Variants in NMNAT3 observed in about 807,000 individuals in gnomAD.
NMNAT3 encodes the protein nicotinamide nucleotide adenylyltransferase 3.
A neutral mutation model predicts 24.8 loss-of-function variants in NMNAT3; 21 were observed. That is an observed-to-expected ratio of 0.85 (90% CI 0.60 to 1.22). The LOEUF is 1.22. Ranked by LOEUF, NMNAT3 falls within the 50% of genes most tolerant of loss-of-function variation. The pLI is 0.00. For synonymous variants in NMNAT3, 136 were observed against 155.2 expected (o/e 0.88, Z 0.92); for missense variants, 387 against 436.6 (o/e 0.89, Z 1.01).
chr3:139,638,944 C>G (rs376156592), intron 1 of NMNAT3, among the ~76,000 whole-genome samples: 5 of 152,220 alleles, frequency 3.3e-5, no homozygotes, highest in Non-Finnish European at 7.3e-5. Flanking sequence ...TGTCAAACTG[C>G]CTTTCATCCT....
At chr3:139,620,567 G>T (rs555334338) in intron 3 of NMNAT3, among the ~76,000 whole-genome samples, 76 of 152,170 alleles carry the variant, frequency 5.0e-4, no homozygotes, top group African/African-American at 1.6e-3. Flanking sequence ...TTCACATGTT[G>T]ATGGATATTT....
chr3:139,603,524 CA>C (rs35849612), intron 3 of NMNAT3, among the ~76,000 whole-genome samples: 15,678 of 152,198 alleles, frequency 0.1, 988 homozygotes, highest in Non-Finnish European at 0.15. Flanking sequence ...CCATCACCAA[CA>C]GTGCCACCAT....
At chr3:139,673,488 A>G (rs2057823653) in intron 1 of NMNAT3, among the ~76,000 whole-genome samples, 1 of 152,182 alleles carries the variant, frequency 6.6e-6, no homozygotes, top group South Asian at 2.1e-4. Flanking sequence ...TCAAGGGTGT[A>G]TATGAAAAAA....
chr3:139,576,190 A>G, intron 5 of NMNAT3: 1 of 985,426 alleles, frequency 1.0e-6, no homozygotes, highest in Non-Finnish European at 1.2e-6. Flanking sequence ...GATTTCTACC[A>G]TGCTTCTAAA....
intron 1 of NMNAT3, among the ~76,000 whole-genome samples, chr3:139,652,164 G>T (rs1290128630): frequency 6.6e-6 from 1 of 152,154 alleles, no homozygotes; most frequent in East Asian, 1.9e-4. Flanking sequence ...CCCAGGCCTG[G>T]CATGGCATTC....
Position 139,561,155 on chromosome 3 carries a change from A to T in NMNAT3, c.896T>A (p.Ile299Asn). The T allele has an allele frequency of 1.2e-6, 2 of 1,614,120 alleles. No individual in the cohort carries two copies. Among genetic ancestry groups the T allele is most frequent in the Non-Finnish European group, 1.7e-6 (2 of 1,180,032 alleles). ...CTGCCCTTGGCCCAAGGCTCGCCTGATGTATGTGGCACTGATCTCATTCTG... is the reference window on the plus strand; with the variant it reads ...CTGCCCTTGGCCCAAGGCTCGCCTGTTGTATGTGGCACTGATCTCATTCTG... Residue 299 changes from isoleucine (I) to asparagine (N), a missense_variant, in exon 7 of 7, where the codon ATC becomes AAC. Ile to Asn is a moderately radical substitution (Grantham distance 149). Transcript: ENST00000643695.
chr3:139,572,408 G>A (rs922459717), intron 6 of NMNAT3, among the ~76,000 whole-genome samples: 1 of 152,158 alleles, frequency 6.6e-6, no homozygotes, highest in African/African-American at 2.4e-5. Flanking sequence ...AGGAGGTATT[G>A]TAACTCCTTC....
chr3:139,596,916 GTATATATATATATATATATA>G (rs58824425), intron 3 of NMNAT3, among the ~76,000 whole-genome samples: 14,393 of 97,276 alleles, frequency 0.15, 1,529 homozygotes, highest in Non-Finnish European at 0.22. Context: ...TGTCATGTGT[GTATATATATATATATATATA>G]TATATATATA....
At chr3:139,658,870 C>G (rs570866917) in intron 1 of NMNAT3, among the ~76,000 whole-genome samples, 1 of 130,298 alleles carries the variant, frequency 7.7e-6, no homozygotes, top group South Asian at 2.8e-4. Flanking sequence ...CAACCCCTCT[C>G]AACATATAGA....
At chr3:139,562,275 T>C (rs970821163) in intron 6 of NMNAT3, among the ~76,000 whole-genome samples, 2 of 152,186 alleles carry the variant, frequency 1.3e-5, no homozygotes, top group African/African-American at 2.4e-5. Context: ...TTGTAACTGC[T>C]GGGTTCTGCT....
At chr3:139,576,512 TATTAAGTG>T (rs57608448) in intron 5 of NMNAT3, among the ~76,000 whole-genome samples, 11,918 of 152,078 alleles carry the variant, frequency 0.078, 1,011 homozygotes, top group East Asian at 0.37. Flanking sequence ...TAAAAAAGCT[TATTAAGTG>T]ATTTCTGCAG....
At chr3:139,612,953 C>A (rs2055299884) in intron 3 of NMNAT3, among the ~76,000 whole-genome samples, 2 of 152,212 alleles carry the variant, frequency 1.3e-5, no homozygotes, top group Admixed American at 1.3e-4. Context: ...GAAACTGGAT[C>A]TCTTCCTTAC....
At chr3:139,645,063 G>C (rs1331460015) in intron 1 of NMNAT3, among the ~76,000 whole-genome samples, 1 of 152,126 alleles carries the variant, frequency 6.6e-6, no homozygotes, top group African/African-American at 2.4e-5. Flanking sequence ...TTAGCTGGGT[G>C]TGGTGGCACA....
At chr3:139,582,013 G>A (rs2053643902) in intron 4 of NMNAT3, among the ~76,000 whole-genome samples, 1 of 151,366 alleles carries the variant, frequency 6.6e-6, no homozygotes, top group Non-Finnish European at 1.5e-5. Flanking sequence ...TGGCCAACAT[G>A]GTGAAACCTG....
At chr3:139,600,422 C>T (rs542173416) in intron 3 of NMNAT3, among the ~76,000 whole-genome samples, 1 of 151,968 alleles carries the variant, frequency 6.6e-6, no homozygotes, top group African/African-American at 2.4e-5. Context: ...TCTCCTGCCT[C>T]AGCCTTCCGA....
intron 1 of NMNAT3, among the ~76,000 whole-genome samples, chr3:139,660,497 T>C (rs956534360): frequency 5.9e-5 from 9 of 152,214 alleles, no homozygotes; most frequent in African/African-American, 2.2e-4. Context: ...ATACAATTCA[T>C]TTCACCAAGA....
intron 3 of NMNAT3, chr3:139,610,036 G>T (rs1416178362): frequency 6.6e-6 from 1 of 152,198 alleles, no homozygotes; most frequent in Non-Finnish European, 1.5e-5. Context: ...GGGGAAAAGA[G>T]AAGAGGATGG....
At chr3:139,589,875 T>C (rs1435847358) in intron 3 of NMNAT3, among the ~76,000 whole-genome samples, 2 of 152,254 alleles carry the variant, frequency 1.3e-5, no homozygotes, top group African/African-American at 4.8e-5. Flanking sequence ...ACCTCCTCTA[T>C]ACCCTTTCTC....
intron 1 of NMNAT3, among the ~76,000 whole-genome samples, chr3:139,663,475 A>G (rs1252213548): frequency 6.6e-6 from 1 of 152,212 alleles, no homozygotes; most frequent in Non-Finnish European, 1.5e-5. Flanking sequence ...AGGTGCTCAG[A>G]GAAGCAATGG....
Sources: allele counts gnomAD v4.1 joint callset (sites outside exome capture counted in the v4.1 genomes callset), GRCh38; gene constraint gnomAD v4.1.1; transcripts MANE v1.5; gene names NCBI Gene and HGNC (gene_info 2026-07-23, HGNC 2026-07-21).